Variants in LRFN5 observed in about 807,000 individuals in gnomAD.
LRFN5 encodes the protein leucine rich repeat and fibronectin type III domain containing 5.
In LRFN5, 24 loss-of-function variants were observed where a neutral mutation model predicts 45.6. The observed-to-expected ratio is 0.53, with a 90% CI of 0.38 to 0.74. LRFN5 has a LOEUF of 0.74. Among genes scored for constraint, LRFN5 ranks in the 30% least tolerant of loss-of-function variants. LRFN5 has a pLI of 0.00. For missense variants in LRFN5, 776 were observed against 861.5 expected, an observed-to-expected ratio of 0.90 and a Z score of 1.24; for synonymous variants, 340 against 313.8, an observed-to-expected ratio of 1.08 and a Z score of -0.88.
chr14:41,805,396 T>TTATTTATG (rs1887485804), intron 2 of LRFN5, among the ~76,000 whole-genome samples: 3 of 144,194 alleles, frequency 2.1e-5, no homozygotes, highest in Admixed American at 2.0e-4. Flanking sequence ...TTTATTTTAT[T>TTATTTATG]TATTTATTTA....
At chr14:41,769,284 G>A (rs1228289346) in intron 2 of LRFN5, among the ~76,000 whole-genome samples, 1 of 152,144 alleles carries the variant, frequency 6.6e-6, no homozygotes, top group Non-Finnish European at 1.5e-5. Context: ...AAGGAGGACA[G>A]CTGAGGTGGT....
At position 41,904,352 on chromosome 14, in the gene LRFN5, C is replaced by A; in HGVS notation, c.*177C>A. ...GACGGCGGAACTGGCTCCATTAGAC[C>A]ATGGTTCATCCTCTTTTAAAACCAA... On this transcript the variant is annotated 3_prime_UTR_variant, in exon 6 of 6. Coordinates refer to ENST00000298119, the MANE Select transcript of LRFN5 (RefSeq NM_152447.5). 1 of 661,710 alleles carries A rather than the reference C, an allele frequency of 1.5e-6. No homozygotes were observed. The highest frequency in any genetic ancestry group is 2.5e-6 in the Non-Finnish European group (1 of 404,186). The allele number at this position is 661,710 out of a possible 1,614,324, so 41.0% of individuals were successfully genotyped here. A position where few individuals can be genotyped will look rare whatever the true frequency, so the allele number is the denominator to read the frequency against.
chr14:41,721,345 A>C (rs1057461960), intron 1 of LRFN5, among the ~76,000 whole-genome samples: 3 of 152,134 alleles, frequency 2.0e-5, no homozygotes. Context: ...TGTGCCTGTT[A>C]AATGGGGCAT....
chr14:41,820,514 G>A (rs1421432955), intron 2 of LRFN5, among the ~76,000 whole-genome samples: 1 of 151,962 alleles, frequency 6.6e-6, no homozygotes, highest in African/African-American at 2.4e-5. Context: ...GGTTACTGTA[G>A]TCTATAGTAT....
intron 2 of LRFN5, among the ~76,000 whole-genome samples, chr14:41,796,154 A>T (rs1242561988): frequency 1.3e-5 from 2 of 152,036 alleles, no homozygotes; most frequent in Admixed American, 1.3e-4. Context: ...GAATTCAAAA[A>T]TCTGAGTAAT....
intron 1 of LRFN5, among the ~76,000 whole-genome samples, chr14:41,721,751 G>A (rs1217101655): frequency 2.0e-5 from 3 of 152,126 alleles, no homozygotes; most frequent in Non-Finnish European, 4.4e-5. Flanking sequence ...AGCCTGATGG[G>A]ATTCCCTTTG....
At chr14:41,632,946 A>G (rs1366038272) in intron 1 of LRFN5, among the ~76,000 whole-genome samples, 1 of 152,138 alleles carries the variant, frequency 6.6e-6, no homozygotes, top group Non-Finnish European at 1.5e-5. Context: ...CCCCATTTAT[A>G]TGATTTTTCT....
chr14:41,832,815 G>A (rs938507599), intron 2 of LRFN5, among the ~76,000 whole-genome samples: 30 of 152,248 alleles, frequency 2.0e-4, no homozygotes, highest in Admixed American at 1.8e-3. Context: ...GCTGTTTCAG[G>A]ATAATGGTAA....
chr14:41,681,780 CTTTTA>C (rs1012490413), intron 1 of LRFN5, among the ~76,000 whole-genome samples: 17 of 147,968 alleles, frequency 1.1e-4, no homozygotes, highest in South Asian at 2.2e-4. Context: ...ATAAACTACT[CTTTTA>C]TTTTATTTTA....
chr14:41,774,687 G>A (rs1216256511), intron 2 of LRFN5, among the ~76,000 whole-genome samples: 1 of 152,130 alleles, frequency 6.6e-6, no homozygotes, highest in African/African-American at 2.4e-5. Context: ...TTTGAAAAGC[G>A]TTAACTTAGA....
intron 1 of LRFN5, among the ~76,000 whole-genome samples, chr14:41,685,905 G>A (rs1259793084): frequency 1.3e-5 from 2 of 151,998 alleles, no homozygotes; most frequent in African/African-American, 2.4e-5. Context: ...AGTGTGATGC[G>A]TCCAGTTTTG....
intron 1 of LRFN5, among the ~76,000 whole-genome samples, chr14:41,742,426 T>C (rs564117335): frequency 6.0e-5 from 9 of 149,574 alleles, no homozygotes; most frequent in Non-Finnish European, 1.3e-4. Context: ...TTATACTAAG[T>C]GAATTCAGCC....
intron 1 of LRFN5, among the ~76,000 whole-genome samples, chr14:41,689,489 T>C (rs1413210909): frequency 6.6e-6 from 1 of 152,134 alleles, no homozygotes; most frequent in East Asian, 1.9e-4. Context: ...ACAAATTAAA[T>C]GACTTAGATG....
chr14:41,772,620 A>T (rs1399813463), intron 2 of LRFN5, among the ~76,000 whole-genome samples: 1 of 152,180 alleles, frequency 6.6e-6, no homozygotes, highest in Non-Finnish European at 1.5e-5. Context: ...GGCTCTCACA[A>T]ATTTGTATAG....
At chr14:41,813,895 C>G (rs1356073008) in intron 2 of LRFN5, among the ~76,000 whole-genome samples, 7 of 152,006 alleles carry the variant, frequency 4.6e-5, no homozygotes, top group Non-Finnish European at 7.4e-5. Flanking sequence ...TTTTGATTTG[C>G]ATTTCTCTAA....
chr14:41,823,663 G>A (rs988420770), intron 2 of LRFN5, among the ~76,000 whole-genome samples: 1 of 151,972 alleles, frequency 6.6e-6, no homozygotes, highest in Non-Finnish European at 1.5e-5. Flanking sequence ...AGGTTTTTGA[G>A]TTTCTTGTAT....
chr14:41,713,491 G>T (rs868517239), intron 1 of LRFN5, among the ~76,000 whole-genome samples: 1 of 150,348 alleles, frequency 6.7e-6, no homozygotes. Flanking sequence ...AAATTGAAAT[G>T]AGTAGTATTG....
chr14:41,831,464 G>A (rs1888478204), intron 2 of LRFN5, among the ~76,000 whole-genome samples: 1 of 152,022 alleles, frequency 6.6e-6, no homozygotes, highest in Non-Finnish European at 1.5e-5. Context: ...AACACTCAAT[G>A]TATGCAATAT....
intron 1 of LRFN5, among the ~76,000 whole-genome samples, chr14:41,694,064 AT>A (rs1418022163): frequency 6.6e-6 from 1 of 151,910 alleles, no homozygotes; most frequent in African/African-American, 2.4e-5. Flanking sequence ...AAATATACCA[AT>A]TTTATTATTT....
Sources: gnomAD v4.1 joint callset for allele counts (sites outside exome capture counted in the v4.1 genomes callset) on GRCh38, gnomAD v4.1.1 for gene constraint, MANE v1.5 for transcripts, NCBI Gene and HGNC (gene_info 2026-07-23, HGNC 2026-07-21) for gene names.